The following SRFBP1 variants were observed in gnomAD, a reference collection of about 807,000 sequenced individuals.
SRFBP1 encodes serum response factor binding protein 1, also known as serum response factor-binding protein 1.
A neutral mutation model predicts 45.5 loss-of-function variants in SRFBP1; 47 were observed. The observed-to-expected ratio is 1.03, with a 90% confidence interval of 0.82 to 1.32. SRFBP1 has a LOEUF of 1.32. SRFBP1 is among the 40% of genes most tolerant of loss of function. The pLI is 0.00. For missense variants in SRFBP1, 621 were observed against 484.6 expected (o/e 1.28, Z -2.64); for synonymous variants, 203 against 166.3 (o/e 1.22, Z -1.70).
In SRFBP1 at chr5:122,035,401, G is replaced by T. The variant is rs372210927; in HGVS notation, n.311+12994G>T. On this transcript the variant is annotated intron_variant and non_coding_transcript_variant, in intron 2 of 2. Coordinates refer to the SRFBP1 transcript ENST00000504881. ...GTCTCAAGTTAGCCCACATTCAGCT[G>T]CAGCAATTCATCAAAAACTTTAATC... Among the ~76,000 whole-genome samples, 98 of 152,246 alleles carry T rather than the reference G, an allele frequency of 6.4e-4. 3 individuals carry two copies. In the South Asian group the frequency reaches 0.017, roughly 26 times the overall value.
chr5:122,032,390 T>C (rs902444727), downstream of SRFBP1, among the ~76,000 whole-genome samples: 4 of 143,402 alleles, frequency 2.8e-5, no homozygotes, highest in African/African-American at 1.0e-4. Context: ...TTCCACCCCA[T>C]TCCCGCCCGC....
intron 2 of SRFBP1, among the ~76,000 whole-genome samples, chr5:122,072,077 A>G (rs1354164879): frequency 2.0e-5 from 3 of 152,210 alleles, no homozygotes; most frequent in African/African-American, 7.2e-5. Flanking sequence ...TACATACTCA[A>G]TAAGTGCTAG....
At chr5:122,065,752 T>C (rs1189914944) in intron 2 of SRFBP1, 2 of 152,110 alleles carry the variant, frequency 1.3e-5, no homozygotes, top group Non-Finnish European at 2.9e-5. Flanking sequence ...AAAATGTTTT[T>C]CAATTTTTTT....
chr5:121,991,769 A>G lies in SRFBP1; in HGVS notation c.199-2830A>G, dbSNP rs141229753. On this transcript the variant is annotated intron_variant, in intron 3 of 7. Transcript: ENST00000339397. Reference sequence around the variant, plus strand: ...GCTTTCCTATCCATCCATATTTGCTAAACACAATTTTTACATTTTATATGA... The same window carrying G: ...GCTTTCCTATCCATCCATATTTGCTGAACACAATTTTTACATTTTATATGA... 6.9e-3 allele frequency among the ~76,000 whole-genome samples: 1,052 copies of G among 152,266 alleles called. 11 individuals carry two copies. The highest frequency in any genetic ancestry group is 0.023 in the African/African-American group (969 of 41,568).
intron 3 of SRFBP1, 106 bp downstream of exon 3, chr5:121,975,493 G>T: frequency 8.5e-7 from 1 of 1,182,274 alleles, no homozygotes; most frequent in East Asian, 2.4e-5. Flanking sequence ...CGAGAGTTGC[G>T]TAAGACATCT....
chr5:121,964,337 C>T (rs940698721), intron 1 of SRFBP1, among the ~76,000 whole-genome samples: 1 of 152,022 alleles, frequency 6.6e-6, no homozygotes, highest in Non-Finnish European at 1.5e-5. Context: ...TAATGCTATC[C>T]CTCCCCCTTT....
intron 2 of SRFBP1, among the ~76,000 whole-genome samples, chr5:122,053,823 G>A (rs963147797): frequency 6.6e-6 from 1 of 152,172 alleles, no homozygotes; most frequent in Non-Finnish European, 1.5e-5. Flanking sequence ...GCTATCAGTG[G>A]TGGGGGTAGG....
rs564050333 is a variant in SRFBP1 at position 121,988,766 on chromosome 5, C to T, written c.199-5833C>T. Among the ~76,000 whole-genome samples, 7 of 152,314 alleles carry T rather than the reference C, an allele frequency of 4.6e-5. 1 individual carries two copies. The South Asian group carries it at 1.5e-3, about 32-fold the overall frequency. On this transcript the variant is annotated intron_variant, in intron 3 of 7. Coordinates refer to ENST00000339397, the MANE Select transcript of SRFBP1 (RefSeq NM_152546.3). The stretch of plus-strand genomic sequence containing the variant: ...TGGCCCACAGACTCAGAGGTCATCT[C>T]CTAGGAGCTGGCCAAGGTCCAGTCC...
chr5:121,975,338 A>G lies in SRFBP1; in HGVS notation c.149A>G (p.Lys50Arg), dbSNP rs763493522. 6 of 1,613,392 alleles carry G rather than the reference A, an allele frequency of 3.7e-6. No homozygotes were observed. The East Asian group carries it at 1.3e-4, about 36-fold the overall frequency. Residue 50 changes from lysine to arginine, a missense_variant, in exon 3 of 8, where the codon AAA becomes AGA. Transcript: ENST00000339397. ...SKKGTEDALL[K>R]NQRRAQRLLE... The stretch of plus-strand genomic sequence containing the variant: ...AGGGGTACTGAAGATGCACTGTTAA[A>G]AAACCAAAGACGGGCGCAAAGATTG...
At chr5:121,994,362 G>A (rs541278744) in intron 3 of SRFBP1, among the ~76,000 whole-genome samples, 1 of 151,920 alleles carries the variant, frequency 6.6e-6, no homozygotes, top group East Asian at 1.9e-4. Flanking sequence ...ATAGAGTTAG[G>A]TTTTGCTTTG....
At chr5:122,035,963 CT>C (rs982418677) in intron 2 of SRFBP1, among the ~76,000 whole-genome samples, 2 of 152,202 alleles carry the variant, frequency 1.3e-5, no homozygotes, top group African/African-American at 4.8e-5. Context: ...CAATACTCCT[CT>C]CCTACAGTGA....
chr5:122,076,885 G>A, downstream of SRFBP1: 1 of 1,613,486 alleles, frequency 6.2e-7, no homozygotes, highest in Non-Finnish European at 8.5e-7. Flanking sequence ...AGACATATCA[G>A]CCCGTACCTG....
chr5:121,962,816 G>C (rs1352725106), intron 1 of SRFBP1, among the ~76,000 whole-genome samples: 1 of 152,176 alleles, frequency 6.6e-6, no homozygotes, highest in East Asian at 1.9e-4. Flanking sequence ...GATCGAGTAA[G>C]GACCTCACAG....
intron 3 of SRFBP1, among the ~76,000 whole-genome samples, chr5:121,979,140 G>T (rs1272401301): frequency 2.0e-5 from 3 of 152,092 alleles, no homozygotes; most frequent in Admixed American, 6.5e-5. Context: ...TAAGTAAAAT[G>T]ATACATCATC....
intron 3 of SRFBP1, among the ~76,000 whole-genome samples, chr5:121,990,802 A>C (rs948240671): frequency 1.2e-4 from 18 of 152,148 alleles, no homozygotes; most frequent in African/African-American, 3.9e-4. Flanking sequence ...TCCTCAACAC[A>C]TTTTCTTTTG....
chr5:122,022,264 T>A, intron 6 of SRFBP1, 106 bp from the exon 7 acceptor site: 1 of 842,206 alleles, frequency 1.2e-6, no homozygotes, highest in South Asian at 1.7e-5. Flanking sequence ...GACTAAGGAG[T>A]ATAGTGGCCC....
intron 4 of SRFBP1, among the ~76,000 whole-genome samples, chr5:121,997,360 G>C (rs1310732011): frequency 6.6e-6 from 1 of 150,436 alleles, no homozygotes; most frequent in Admixed American, 6.6e-5. Context: ...AAATAACGCC[G>C]CATACCTATA....
intron 1 of SRFBP1, among the ~76,000 whole-genome samples, chr5:121,970,419 A>G (rs1752163220): frequency 1.3e-5 from 2 of 152,144 alleles, no homozygotes; most frequent in Admixed American, 6.5e-5. Context: ...GCAATTAGAA[A>G]CATTTGTTAA....
chr5:122,026,970 G>A lies in SRFBP1; in HGVS notation c.1134G>A (p.Lys378=), dbSNP rs375993474. ...TTCCACAGAATGAGCCTCAGATCAA[G>A]AATCAGTTTAATAAGAAGCTATCAG... is the stretch of plus-strand genomic sequence containing the variant. The part of the protein sequence containing the change: ...LDFPQNEPQI[K]NQFNKKLSGR... Residue 378 remains lysine (K), a synonymous_variant, in exon 8 of 8, where the codon AAG becomes AAA. Coordinates refer to ENST00000339397, the MANE Select transcript of SRFBP1 (RefSeq NM_152546.3). 2.4e-5 allele frequency: 39 copies of A among 1,611,776 alleles called. No individual in the cohort carries two copies. The Middle Eastern group carries it at 8.2e-4, about 34-fold the overall frequency.
Sources: gnomAD v4.1 joint callset for allele counts (sites outside exome capture counted in the v4.1 genomes callset) on GRCh38, gnomAD v4.1.1 for gene constraint, MANE v1.5 for transcripts, NCBI Gene and HGNC (gene_info 2026-07-23, HGNC 2026-07-21) for gene names.